Variants in ERCC6 observed in about 807,000 individuals in gnomAD.
ERCC6 encodes the protein DNA excision repair protein ERCC-6.
Under a neutral mutation model 158.7 loss-of-function variants are expected in ERCC6, and 116 were observed. The ratio of observed to expected loss-of-function variants is 0.73; its 90% confidence interval spans 0.63 to 0.85. The LOEUF (loss-of-function observed/expected upper bound fraction) is 0.85. Among genes scored for constraint, ERCC6 ranks in the 40% least tolerant of loss-of-function variants. The pLI is 0.00. For synonymous variants in ERCC6, 678 were observed against 659.3 expected, an observed-to-expected ratio of 1.03 and a Z score of -0.43; for missense variants, 1,698 against 1,799.4, an observed-to-expected ratio of 0.94 and a Z score of 1.02.
chr10:49,516,937 T>C, intron 5 of ERCC6: 1 of 1,614,106 alleles, frequency 6.2e-7, no homozygotes, highest in Non-Finnish European at 8.5e-7. Context: ...TACGCAGCTG[T>C]GTGCAACAAA....
chr10:49,440,140 A>C, the ERCC6 span, among the ~76,000 whole-genome samples: 1 of 152,202 alleles, frequency 6.6e-6, no homozygotes, highest in African/African-American at 2.4e-5. Flanking sequence ...TACTGGTACC[A>C]ACTGACTGTA....
At chr10:49,515,162 CATATATGTTACCTAGAAAA>C (rs761938604) in intron 5 of ERCC6, 228 of 1,314,626 alleles carry the variant, frequency 1.7e-4, no homozygotes, top group Non-Finnish European at 2.2e-4. Flanking sequence ...GCATGAAATT[CATATATGTTACCTAGAAAA>C]ATTCAAGGAA....
rs1389945996 is a variant in ERCC6, at chr10:49,526,107, TTATATATTTTTATATATATATATATATA to T, written c.653-1358_653-1331del. Among the ~76,000 whole-genome samples, 34 of 80,544 alleles carry T rather than the reference TTATATATTTTTATATATATATATATATA, an allele frequency of 4.2e-4. 4 individuals carry two copies. The highest frequency in any genetic ancestry group is 5.7e-3 in the Middle Eastern group (1 of 174). 52.8% of individuals were successfully genotyped at this position (80,544 alleles called of 152,430 possible). The stretch of plus-strand genomic sequence containing the variant: ...TATTTATATTTATATATTTATATAT[TTATATATTTTTATATATATATATATATA>T]TATATATATATATATATATATATAT... On this transcript the variant is annotated intron_variant, in intron 4 of 20. Transcript: ENST00000355832.
intron 3 of ERCC6, among the ~76,000 whole-genome samples, chr10:49,530,046 G>C (rs998629881): frequency 6.6e-6 from 1 of 152,004 alleles, no homozygotes; most frequent in African/African-American, 2.4e-5. Flanking sequence ...AGGTGTGTGA[G>C]GGTCAATGGC....
intron 18 of ERCC6, among the ~76,000 whole-genome samples, chr10:49,464,120 C>G (rs1443051542): frequency 6.6e-6 from 1 of 152,160 alleles, no homozygotes; most frequent in Non-Finnish European, 1.5e-5. Context: ...TCTTGAATAG[C>G]TTTGACAAAA....
chr10:49,515,776 C>T, intron 5 of ERCC6: 2 of 1,614,160 alleles, frequency 1.2e-6, no homozygotes, highest in Non-Finnish European at 1.7e-6. Context: ...GGCTGCTGAA[C>T]TTGTATCTTC....
rs1460723976 is a variant in ERCC6, at chr10:49,455,444, A to T, written c.*3371T>A. The T allele has an allele frequency of 1.3e-5, 2 of 152,244 alleles. No homozygotes were observed. The highest frequency in any genetic ancestry group is 2.9e-5 in the Non-Finnish European group (2 of 68,052). 9.4% of individuals were successfully genotyped at this position (152,244 alleles called of 1,614,324 possible). On this transcript the variant is annotated 3_prime_UTR_variant, in exon 21 of 21. Coordinates refer to ENST00000355832, the MANE Select transcript of ERCC6 (RefSeq NM_000124.4). ...CTGGAACAGAAAACACCCAAGTATAAGACACTGAAGAGGGGGAGAAAGGAA... is the reference window on the plus strand; with the variant it reads ...CTGGAACAGAAAACACCCAAGTATATGACACTGAAGAGGGGGAGAAAGGAA...
intron 4 of ERCC6, among the ~76,000 whole-genome samples, chr10:49,526,361 A>G (rs1389083301): frequency 8.6e-5 from 13 of 151,752 alleles, no homozygotes; most frequent in Non-Finnish European, 4.4e-5. Flanking sequence ...GGTGCCTTTC[A>G]TGAATTTATC....
intron 18 of ERCC6, 92 bp downstream of exon 18, chr10:49,470,090 A>G: frequency 1.8e-6 from 2 of 1,111,186 alleles, no homozygotes; most frequent in South Asian, 2.5e-5. Context: ...ACAGCCCTCT[A>G]TGCACCATCA....
chr10:49,465,924 T>C (rs1311428195), intron 18 of ERCC6, among the ~76,000 whole-genome samples: 1 of 151,958 alleles, frequency 6.6e-6, no homozygotes, highest in Non-Finnish European at 1.5e-5. Flanking sequence ...CAGAAACTCA[T>C]GAGACTGGTA....
At chr10:49,498,021 T>G (rs894676589) in intron 7 of ERCC6, among the ~76,000 whole-genome samples, 9 of 152,218 alleles carry the variant, frequency 5.9e-5, no homozygotes, top group African/African-American at 1.9e-4. Context: ...ATTATAAGAT[T>G]GAGGGGCCTA....
In ERCC6 at chr10:49,524,419, C is replaced by G; in HGVS notation, c.1011G>C (p.Lys337Asn). The change falls in exon 5 of 21, where the codon AAG (lysine) becomes AAC (asparagine). Residue 337 changes from lysine (K) to asparagine (N), a missense_variant. Lys to Asn is a moderately conservative substitution (Grantham distance 94). Coordinates refer to ENST00000355832, the MANE Select transcript of ERCC6 (RefSeq NM_000124.4). Reference sequence around the variant, plus strand: ...CTTTCCCCTGGAACTGCAAAGCCCTCTTCTGGAGTTTCTTGATGTGCTTTT... The same window carrying G: ...CTTTCCCCTGGAACTGCAAAGCCCTGTTCTGGAGTTTCTTGATGTGCTTTT... ...RLKKHIKKLQ[K>N]RALQFQGKVG... 1 of 1,614,228 alleles carries G rather than the reference C, an allele frequency of 6.2e-7. No individual in the cohort carries two copies. Among genetic ancestry groups the G allele is most frequent in the Non-Finnish European group, 8.5e-7 (1 of 1,180,038 alleles).
chr10:49,526,646 G>C (rs532526370), intron 4 of ERCC6, among the ~76,000 whole-genome samples: 2 of 152,284 alleles, frequency 1.3e-5, no homozygotes, highest in African/African-American at 4.8e-5. Flanking sequence ...TTTACACTGA[G>C]TATTTTGCTT....
At chr10:49,518,319 AC>A (rs1473595118) in intron 5 of ERCC6, among the ~76,000 whole-genome samples, 2 of 152,144 alleles carry the variant, frequency 1.3e-5, no homozygotes, top group African/African-American at 4.8e-5. Flanking sequence ...GCTGCAGCAA[AC>A]CAAGCTGCGA....
chr10:49,493,117 C>T lies in ERCC6; in HGVS notation c.1821G>A (p.Lys607=). Residue 607 remains lysine, a splice_region_variant and synonymous_variant, in exon 8 of 21, where the codon AAG becomes AAA. Coordinates refer to ENST00000355832, the MANE Select transcript of ERCC6 (RefSeq NM_000124.4). The stretch of plus-strand genomic sequence containing the variant: ...AAAAGGTACTGAAATATTGTGTTAC[C>T]TTTTTGTGGGTATAGGAACCGGTTT... ...LHETGSYTHK[K]EKLIRDVAHC... The T allele has an allele frequency of 6.2e-7, 1 of 1,613,932 alleles. No homozygotes were observed. Among genetic ancestry groups the T allele is most frequent in the Non-Finnish European group, 8.5e-7 (1 of 1,179,932 alleles).
chr10:49,519,675 T>C (rs4253061), intron 5 of ERCC6, among the ~76,000 whole-genome samples: 2,236 of 152,312 alleles, frequency 0.015, 48 homozygotes, highest in African/African-American at 0.05. Flanking sequence ...GAGGCAATTA[T>C]TTGCTGAGTG....
chr10:49,483,427 C>T lies in ERCC6; in HGVS notation c.1911G>A (p.Arg637=). The T allele has an allele frequency of 6.2e-7, 1 of 1,614,114 alleles. No individual in the cohort carries two copies. Residue 637 remains arginine, a synonymous_variant, in exon 9 of 21, where the codon AGG becomes AGA. Coordinates refer to ENST00000355832, the MANE Select transcript of ERCC6 (RefSeq NM_000124.4). ...YIRLMQDDIS[R]YDWHYVILDE... ...CCAAGATCACATAGTGCCAGTCATA[C>T]CTGCTAATGTCATCCTGCATCAATC...
chr10:49,482,585 C>A (rs1470522358), intron 10 of ERCC6, 102 bp downstream of exon 10: 3 of 903,108 alleles, frequency 3.3e-6, no homozygotes, highest in Non-Finnish European at 5.0e-6. Context: ...TGAGCCTGGC[C>A]ATCTTTCTCA....
Position 49,461,535 on chromosome 10 carries a change from T to C in ERCC6, c.3800A>G (p.Lys1267Arg), listed in dbSNP as rs1210204588. 4.3e-6 allele frequency: 7 copies of C among 1,613,958 alleles called. No individual in the cohort carries two copies. The highest frequency in any genetic ancestry group is 1.3e-5 in the African/African-American group (1 of 75,054). Residue 1267 changes from lysine to arginine, a missense_variant, in exon 19 of 21, where the codon AAG becomes AGG. Coordinates refer to ENST00000355832, the MANE Select transcript of ERCC6 (RefSeq NM_000124.4). ...KKSVGVHSVM[K>R]HDAIMDGASP... is the part of the protein sequence containing the mutation. ...GGCTCCATCCATGATGGCATCGTGC[T>C]TCATGACACTGTGCACGCCAACTAG...
Sources: gnomAD v4.1 joint callset for allele counts (sites outside exome capture counted in the v4.1 genomes callset) on GRCh38, gnomAD v4.1.1 for gene constraint, MANE v1.5 for transcripts, NCBI Gene and HGNC (gene_info 2026-07-23, HGNC 2026-07-21) for gene names.